Variants in SLC9A1 observed in about 807,000 individuals in gnomAD.
The protein encoded by SLC9A1 is solute carrier family 9 member A1.
A neutral mutation model predicts 67.9 loss-of-function variants in SLC9A1; 22 were observed. The ratio of observed to expected loss-of-function variants is 0.32; its 90% CI spans 0.23 to 0.46. The LOEUF (loss-of-function observed/expected upper bound fraction) is 0.46. SLC9A1 is among the 20% of genes least tolerant of loss of function. The pLI is 1.00. For missense variants in SLC9A1, 686 were observed against 1,094.8 expected, an observed-to-expected ratio of 0.63 and a Z score of 5.27; for synonymous variants, 421 against 471.8, an observed-to-expected ratio of 0.89 and a Z score of 1.40.
chr1:27,102,378 C>G lies in SLC9A1; in HGVS notation c.1820+7G>C. ...AGCAGAAGCTGCCTGGTTGCCCCAG[C>G]ACTCACTGCATGGAGACGGTGGAGA... On this transcript the variant is annotated splice_region_variant and intron_variant, in intron 8 of 11. Coordinates refer to ENST00000263980, the MANE Select transcript of SLC9A1 (RefSeq NM_003047.5). 1 of 1,581,408 alleles carries G rather than the reference C, an allele frequency of 6.3e-7. No homozygotes were observed. Among genetic ancestry groups the G allele is most frequent in the Non-Finnish European group, 8.6e-7 (1 of 1,158,482 alleles).
rs769287683 is a variant in SLC9A1 at position 27,100,426 on chromosome 1, C to T, written c.2329G>A (p.Val777Ile). ...KETSSPGTDDVFTPAPSDSPS... is the reference protein window; with the variant it reads ...KETSSPGTDDIFTPAPSDSPS... Reference sequence around the variant, plus strand: ...CTGTCACTGGGCGCGGGGGTGAAGACATCGTCGGTTCCTGGGGACGAAGTC... The same window carrying T: ...CTGTCACTGGGCGCGGGGGTGAAGATATCGTCGGTTCCTGGGGACGAAGTC... Residue 777 changes from valine (V) to isoleucine (I), a missense_variant, in exon 12 of 12, where the codon GTC becomes ATC. Val to Ile is a conservative substitution (Grantham distance 29). Coordinates refer to ENST00000263980, the MANE Select transcript of SLC9A1 (RefSeq NM_003047.5). The surrounding 1 kb of genome is among the most constrained non-coding windows in gnomAD (Gnocchi z 5.6). 2.5e-6 allele frequency: 4 copies of T among 1,611,854 alleles called. No homozygotes were observed. The highest frequency in any genetic ancestry group is 3.4e-6 in the Non-Finnish European group (4 of 1,178,774).
At chr1:27,138,241 C>T (rs1441789650) in intron 1 of SLC9A1, among the ~76,000 whole-genome samples, 1 of 152,234 alleles carries the variant, frequency 6.6e-6, no homozygotes, top group Non-Finnish European at 1.5e-5. Context: ...ACTTCAGGTT[C>T]CTCAAGCACA....
intron 6 of SLC9A1, 22 bp downstream of exon 6, chr1:27,103,201 G>A (rs932811973): frequency 2.5e-6 from 4 of 1,575,640 alleles, no homozygotes; most frequent in Non-Finnish European, 3.5e-6. Context: ...TGCAACCAAG[G>A]GCCCAGCCCG....
chr1:27,115,607 A>G (rs2083267261), intron 1 of SLC9A1, among the ~76,000 whole-genome samples: 1 of 151,954 alleles, frequency 6.6e-6, no homozygotes, highest in African/African-American at 2.4e-5. Context: ...GAGGCCAATA[A>G]TTTGACACCA....
Position 27,126,038 on chromosome 1 carries a change from C to T in SLC9A1, c.353-11752G>A, listed in dbSNP as rs144774965. Among the ~76,000 whole-genome samples, 136 of 152,304 alleles carry T rather than the reference C, an allele frequency of 8.9e-4. 1 individual carries two copies. In the East Asian group the frequency reaches 0.016, roughly 18 times the overall value. Reference sequence around the variant, plus strand: ...CTTTTCCTTGAGCACAAACATGCCCCCACCTCAGGGCCTTTGCATTTGCTG... The same window carrying T: ...CTTTTCCTTGAGCACAAACATGCCCTCACCTCAGGGCCTTTGCATTTGCTG... On this transcript the variant is annotated intron_variant, in intron 1 of 11. Coordinates refer to ENST00000263980, the MANE Select transcript of SLC9A1 (RefSeq NM_003047.5).
chr1:27,118,450 C>T lies in SLC9A1; in HGVS notation c.353-4164G>A, dbSNP rs1205844352. Among the ~76,000 whole-genome samples the T allele has an allele frequency of 2.0e-5, 3 of 152,204 alleles. No individual in the cohort carries two copies. Among genetic ancestry groups the T allele is most frequent in the Non-Finnish European group, 4.4e-5 (3 of 68,026 alleles). On this transcript the variant is annotated intron_variant, in intron 1 of 11. Transcript: ENST00000263980. The surrounding 1 kb of genome is among the most constrained non-coding windows in gnomAD (Gnocchi z 4.3). ...CTGCGCTGGCTTGTCCCTCTCCTAA[C>T]GCCCTGACTCCACCAACTGCGCTCA...
chr1:27,122,314 G>A (rs186209983), intron 1 of SLC9A1, among the ~76,000 whole-genome samples: 98 of 152,228 alleles, frequency 6.4e-4, no homozygotes, highest in Non-Finnish European at 1.1e-3. Flanking sequence ...CAGAAAACAC[G>A]GGTTAAGGGA....
At position 27,139,041 on chromosome 1, in the gene SLC9A1, A is replaced by C. The variant is rs141295180; in HGVS notation, c.352+14942T>G. On this transcript the variant is annotated intron_variant, in intron 1 of 11. Transcript: ENST00000263980. ...GGTTGTGTTTGCCACCAGTCTGAGG[A>C]GCCCTGGCCAAGTCTACACCCCTCT... is the stretch of plus-strand genomic sequence containing the variant. 4.6e-5 allele frequency among the ~76,000 whole-genome samples: 7 copies of C among 151,748 alleles called. No homozygotes were observed. The East Asian group carries it at 1.4e-3, about 30-fold the overall frequency.
chr1:27,103,364 G>A, intron 5 of SLC9A1, 52 bp from the exon 6 acceptor site: 1 of 1,319,502 alleles, frequency 7.6e-7, no homozygotes, highest in Non-Finnish European at 1.1e-6. Flanking sequence ...CAGGCAGGGA[G>A]GCCACAGAGC....
chr1:27,102,879 T>C (rs1349972482), intron 6 of SLC9A1, 136 bp from the exon 7 acceptor site: 2 of 763,110 alleles, frequency 2.6e-6, no homozygotes, highest in Non-Finnish European at 4.4e-6. Context: ...AGCCAGGAGG[T>C]GGCGCCCACA....
At chr1:27,124,251 G>C (rs187912978) in intron 1 of SLC9A1, among the ~76,000 whole-genome samples, 13 of 152,252 alleles carry the variant, frequency 8.5e-5, no homozygotes, top group Admixed American at 6.5e-4. Flanking sequence ...TAGAGCCATG[G>C]GAGAGCTAGA....
At chr1:27,111,682 C>T (rs1054627079) in intron 2 of SLC9A1, among the ~76,000 whole-genome samples, 2 of 152,102 alleles carry the variant, frequency 1.3e-5, no homozygotes, top group African/African-American at 4.8e-5. Context: ...TGATGGCCAG[C>T]ACCTGCAGTC....
intron 3 of SLC9A1, 45 bp from the exon 4 acceptor site, chr1:27,107,910 C>A (rs1467353346): frequency 1.4e-6 from 2 of 1,394,510 alleles, no homozygotes; most frequent in Non-Finnish European, 2.0e-6. Flanking sequence ...TCGAGCTGCA[C>A]CTGCTCGAGC....
chr1:27,109,712 G>A lies in SLC9A1; in HGVS notation c.879C>T (p.Leu293=), dbSNP rs762529463. ...CCACCACGAAGAAGCTCAGGAAGCCGAGGAAGATGTCCACGATGCCCACGT... is the reference window on the plus strand; with the variant it reads ...CCACCACGAAGAAGCTCAGGAAGCCAAGGAAGATGTCCACGATGCCCACGT... The part of the protein sequence containing the change: ...YEHVGIVDIF[L]GFLSFFVVAL... The change falls in exon 3 of 12, where the codon CTC becomes CTT. Residue 293 remains leucine, a synonymous_variant. Coordinates refer to ENST00000263980, the MANE Select transcript of SLC9A1 (RefSeq NM_003047.5). This position sits in a 1 kb window ranked among gnomAD's most constrained non-coding sequence, Gnocchi z 5.5. The A allele has an allele frequency of 9.9e-6, 16 of 1,613,982 alleles. No homozygotes were observed. Among genetic ancestry groups the A allele is most frequent in the Middle Eastern group, 1.6e-4 (1 of 6,082 alleles).
intron 5 of SLC9A1, chr1:27,105,677 A>G: frequency 1.4e-6 from 1 of 712,568 alleles, no homozygotes; most frequent in Non-Finnish European, 2.6e-6. Context: ...CTGATCAGTC[A>G]CTCTGCAATG....
At chr1:27,138,410 G>A (rs553675977) in intron 1 of SLC9A1, among the ~76,000 whole-genome samples, 12 of 151,314 alleles carry the variant, frequency 7.9e-5, no homozygotes, top group Middle Eastern at 3.4e-3. Context: ...ACCTGACACT[G>A]CTTTGTCCAC....
intron 2 of SLC9A1, among the ~76,000 whole-genome samples, chr1:27,111,843 A>T (rs1417317427): frequency 6.6e-6 from 1 of 152,174 alleles, no homozygotes; most frequent in African/African-American, 2.4e-5. Flanking sequence ...GGCAATACAC[A>T]TTCAGACAGG....
At chr1:27,129,321 C>T (rs986147931) in intron 1 of SLC9A1, among the ~76,000 whole-genome samples, 3 of 152,212 alleles carry the variant, frequency 2.0e-5, no homozygotes, top group Non-Finnish European at 4.4e-5. Context: ...CTTGGAGGGC[C>T]TCTCCCTGCC....
At chr1:27,143,523 AG>A (rs2083464612) in intron 1 of SLC9A1, among the ~76,000 whole-genome samples, 1 of 152,238 alleles carries the variant, frequency 6.6e-6, no homozygotes, top group African/African-American at 2.4e-5. Context: ...CTTTGAAGCC[AG>A]GGCTCAATGA....
Sources: allele counts gnomAD v4.1 joint callset (sites outside exome capture counted in the v4.1 genomes callset), GRCh38; gene constraint gnomAD v4.1.1; non-coding constraint Gnocchi (gnomAD v3.1); transcripts MANE v1.5; gene names NCBI Gene and HGNC (gene_info 2026-07-23, HGNC 2026-07-21).